Variants in PCSK2 observed in about 807,000 individuals in gnomAD.
The protein encoded by PCSK2 is neuroendocrine convertase 2.
PCSK2 carries 14 observed loss-of-function variants against 69.7 expected under a neutral mutation model. That is an observed-to-expected ratio of 0.20 (90% CI 0.13 to 0.31). PCSK2 has a LOEUF of 0.31. Among genes scored for constraint, PCSK2 ranks in the 10% least tolerant of loss-of-function variants. The probability of loss-of-function intolerance (pLI) is 1.00; values close to 1 mark genes in which losing one functional copy is unlikely to be tolerated. For synonymous variants in PCSK2, 307 were observed against 320.7 expected, an observed-to-expected ratio of 0.96 and a Z score of 0.46; for missense variants, 544 against 842.5, an observed-to-expected ratio of 0.65 and a Z score of 4.39.
intron 8 of PCSK2, among the ~76,000 whole-genome samples, chr20:17,448,431 T>C (rs930096994): frequency 3.9e-5 from 6 of 152,218 alleles, no homozygotes; most frequent in African/African-American, 7.2e-5. Context: ...ATTCTTTTTA[T>C]ATTATGAGCA....
intron 6 of PCSK2, among the ~76,000 whole-genome samples, chr20:17,415,016 G>T (rs1040844539): frequency 4.5e-4 from 68 of 152,234 alleles, no homozygotes; most frequent in Admixed American, 4.2e-3. Flanking sequence ...CAATAAACTA[G>T]ATATTGATGA....
intron 6 of PCSK2, among the ~76,000 whole-genome samples, chr20:17,418,524 T>C (rs1600564631): frequency 6.6e-6 from 1 of 151,996 alleles, no homozygotes; most frequent in African/African-American, 2.4e-5. Flanking sequence ...AGGTGGAGCA[T>C]AAAAGGGTTG....
At chr20:17,308,603 C>T (rs1235720478) in intron 2 of PCSK2, among the ~76,000 whole-genome samples, 2 of 152,110 alleles carry the variant, frequency 1.3e-5, no homozygotes, top group Admixed American at 1.3e-4. Context: ...AATAAGCCAT[C>T]CCACAATTTA....
At chr20:17,433,813 C>CTCTCTCTCTCTCTCT (rs59651477) in intron 7 of PCSK2, among the ~76,000 whole-genome samples, 26 of 98,706 alleles carry the variant, frequency 2.6e-4, no homozygotes, top group East Asian at 4.1e-4. Context: ...CTCTCTCTCT[C>CTCTCTCTCTCTCTCT]CCCCCACTTC....
chr20:17,246,420 C>T (rs938264639), intron 1 of PCSK2, among the ~76,000 whole-genome samples: 4 of 152,032 alleles, frequency 2.6e-5, no homozygotes, highest in South Asian at 2.1e-4. Context: ...AATGAGAACA[C>T]GACAAGGCAG....
chr20:17,439,961 T>A (rs1177804579), intron 8 of PCSK2, among the ~76,000 whole-genome samples: 1 of 152,194 alleles, frequency 6.6e-6, no homozygotes, highest in Non-Finnish European at 1.5e-5. Flanking sequence ...AAGGGGCTCA[T>A]CTCTCAGAAT....
intron 7 of PCSK2, among the ~76,000 whole-genome samples, chr20:17,429,790 A>G (rs1420587768): frequency 6.6e-6 from 1 of 152,236 alleles, no homozygotes; most frequent in Non-Finnish European, 1.5e-5. Flanking sequence ...TACAGTGATC[A>G]GGAAACAAAA....
chr20:17,350,112 T>C (rs571442014), intron 2 of PCSK2, among the ~76,000 whole-genome samples: 1 of 149,746 alleles, frequency 6.7e-6, no homozygotes, highest in South Asian at 2.2e-4. Context: ...ACACCAGCTG[T>C]ATTGGATTGA....
Position 17,480,441 on chromosome 20 carries a change from G to A in PCSK2, c.1431-1143G>A, listed in dbSNP as rs369212722. Among the ~76,000 whole-genome samples the A allele has an allele frequency of 1.5e-3, 227 of 152,100 alleles. 2 individuals carry two copies. Among genetic ancestry groups the A allele is most frequent in the African/African-American group, 5.3e-3 (219 of 41,500 alleles). ...CCTGACCTCATGATCCGCCCGCCTC[G>A]GCCTCCCAAAGTGCTGGGATTACAG... is the stretch of plus-strand genomic sequence containing the variant. On this transcript the variant is annotated intron_variant, in intron 11 of 11. Transcript: ENST00000262545.
chr20:17,352,970 T>A (rs1442839159), intron 2 of PCSK2, among the ~76,000 whole-genome samples: 1 of 152,020 alleles, frequency 6.6e-6, no homozygotes, highest in Non-Finnish European at 1.5e-5. Flanking sequence ...ACCTAGAATC[T>A]ATAAGAAACT....
chr20:17,479,207 T>C, intron 11 of PCSK2: 1 of 1,366,732 alleles, frequency 7.3e-7, no homozygotes, highest in Non-Finnish European at 1.0e-6. Context: ...GAAAGCCATA[T>C]GCGCTCTTCT....
At chr20:17,457,320 C>A (rs574361241) in intron 10 of PCSK2, among the ~76,000 whole-genome samples, 2 of 152,306 alleles carry the variant, frequency 1.3e-5, no homozygotes, top group African/African-American at 4.8e-5. Context: ...CTCCCAGCAT[C>A]AATCTCTAGG....
chr20:17,295,360 C>A (rs1988852877), intron 2 of PCSK2, among the ~76,000 whole-genome samples: 1 of 151,928 alleles, frequency 6.6e-6, no homozygotes, highest in African/African-American at 2.4e-5. Flanking sequence ...TGATTCAGAG[C>A]CAGGAACACT....
At chr20:17,228,748 T>C (rs756577400) in intron 1 of PCSK2, among the ~76,000 whole-genome samples, 7 of 152,138 alleles carry the variant, frequency 4.6e-5, no homozygotes, top group Non-Finnish European at 1.0e-4. Flanking sequence ...CCTCCAGGTG[T>C]GGGGGCCTCT....
intron 2 of PCSK2, among the ~76,000 whole-genome samples, chr20:17,320,979 A>G (rs1989846086): frequency 6.6e-6 from 1 of 152,186 alleles, no homozygotes; most frequent in East Asian, 1.9e-4. Flanking sequence ...AAAACAAGCA[A>G]AATGTTAGGC....
chr20:17,389,907 C>G (rs777532095), intron 5 of PCSK2, among the ~76,000 whole-genome samples: 1 of 152,154 alleles, frequency 6.6e-6, no homozygotes, highest in Non-Finnish European at 1.5e-5. Context: ...AGCAATCCCA[C>G]TCCTAAGTAT....
intron 1 of PCSK2, among the ~76,000 whole-genome samples, chr20:17,244,405 AGCAGTG>A (rs1986696893): frequency 6.6e-6 from 1 of 152,206 alleles, no homozygotes. Context: ...GCCACTATAG[AGCAGTG>A]TGACCACATC....
intron 6 of PCSK2, 100 bp from the exon 7 acceptor site, chr20:17,429,335 G>T (rs911347000): frequency 1.1e-5 from 9 of 825,954 alleles, no homozygotes; most frequent in Admixed American, 3.6e-5. Context: ...TATATGATAC[G>T]CAGATTTCAT....
chr20:17,341,456 A>G (rs1990508907), intron 2 of PCSK2, among the ~76,000 whole-genome samples: 1 of 152,154 alleles, frequency 6.6e-6, no homozygotes, highest in South Asian at 2.1e-4. Context: ...TAAGCTGTGT[A>G]TTTTGGAAAT....
Sources: gnomAD v4.1 joint callset for allele counts (sites outside exome capture counted in the v4.1 genomes callset) on GRCh38, gnomAD v4.1.1 for gene constraint, MANE v1.5 for transcripts, NCBI Gene and HGNC (gene_info 2026-07-23, HGNC 2026-07-21) for gene names.